Variants in PCDH15 observed in about 807,000 individuals in gnomAD.
PCDH15 encodes protocadherin related 15, also known as protocadherin-15.
A neutral mutation model predicts 178.5 loss-of-function variants in PCDH15; 129 were observed. The ratio of observed to expected loss-of-function variants is 0.72; its 90% CI spans 0.63 to 0.84. The LOEUF is 0.84. Ranked by LOEUF, PCDH15 falls within the 40% of genes least tolerant of loss-of-function variation. The pLI is 0.00. For missense variants in PCDH15, 2,230 were observed against 2,099.9 expected, an observed-to-expected ratio of 1.06 and a Z score of -1.21; for synonymous variants, 800 against 732.0, an observed-to-expected ratio of 1.09 and a Z score of -1.50.
chr10:55,442,372 T>A (rs1839207574), intron 2 of PCDH15, among the ~76,000 whole-genome samples: 1 of 149,400 alleles, frequency 6.7e-6, no homozygotes. Context: ...GTGTTCCTTT[T>A]TTTTTTAATT....
intron 21 of PCDH15, among the ~76,000 whole-genome samples, chr10:53,976,895 C>A (rs2610895): frequency 2.0e-5 from 3 of 150,816 alleles, no homozygotes; most frequent in South Asian, 2.1e-4. Context: ...AACCATCGGG[C>A]CTCCCAGAGA....
chr10:55,484,269 A>G (rs1255198785), intron 2 of PCDH15, among the ~76,000 whole-genome samples: 4 of 151,754 alleles, frequency 2.6e-5, no homozygotes, highest in African/African-American at 4.8e-5. Context: ...GCAAACCTGC[A>G]CTTGTACCCC....
At chr10:54,973,220 T>C (rs1352982174) in intron 2 of PCDH15, among the ~76,000 whole-genome samples, 2 of 152,182 alleles carry the variant, frequency 1.3e-5, no homozygotes, top group East Asian at 3.8e-4. Context: ...AACACACATA[T>C]TTAGAGAAGA....
At chr10:53,947,858 T>C (rs1336154577) in intron 23 of PCDH15, among the ~76,000 whole-genome samples, 4 of 152,214 alleles carry the variant, frequency 2.6e-5, no homozygotes, top group Admixed American at 2.6e-4. Flanking sequence ...AACTGAAGTA[T>C]AAACAATTTA....
intron 1 of PCDH15, among the ~76,000 whole-genome samples, chr10:55,184,164 G>A (rs985387196): frequency 6.6e-6 from 1 of 151,892 alleles, no homozygotes; most frequent in Non-Finnish European, 1.5e-5. Context: ...AGCTAGATGT[G>A]GTTTTATGCA....
At chr10:54,086,233 T>A (rs770925459) in intron 16 of PCDH15, among the ~76,000 whole-genome samples, 1 of 152,070 alleles carries the variant, frequency 6.6e-6, no homozygotes, top group African/African-American at 2.4e-5. Flanking sequence ...TGTGCAGAGA[T>A]CACATGGTGA....
At chr10:54,878,792 C>A (rs1039978637) in intron 3 of PCDH15, among the ~76,000 whole-genome samples, 2 of 152,016 alleles carry the variant, frequency 1.3e-5, no homozygotes, top group African/African-American at 4.8e-5. Context: ...AGCCCAGCAT[C>A]CATTAGATAT....
chr10:54,333,343 C>A (rs750498804), intron 6 of PCDH15, among the ~76,000 whole-genome samples: 3 of 151,874 alleles, frequency 2.0e-5, no homozygotes, highest in Non-Finnish European at 4.4e-5. Context: ...TATTGAAAGC[C>A]ACTGTATTAA....
intron 1 of PCDH15, among the ~76,000 whole-genome samples, chr10:55,219,149 T>C (rs916473572): frequency 6.6e-6 from 1 of 151,982 alleles, no homozygotes; most frequent in African/African-American, 2.4e-5. Context: ...CTAATCTCAG[T>C]ATGTTTCACC....
chr10:55,008,183 T>G (rs972429450), intron 2 of PCDH15, among the ~76,000 whole-genome samples: 10 of 152,036 alleles, frequency 6.6e-5, no homozygotes, highest in Admixed American at 3.9e-4. Flanking sequence ...ATAGTCTACT[T>G]GAGAACTGGA....
chr10:54,240,922 C>T (rs11004159), intron 8 of PCDH15, among the ~76,000 whole-genome samples: 18 of 152,032 alleles, frequency 1.2e-4, no homozygotes, highest in Admixed American at 2.6e-4. Flanking sequence ...TGAGCCACCG[C>T]GCCTGGCCAA....
At chr10:54,067,293 C>G (rs1384863337) in intron 17 of PCDH15, among the ~76,000 whole-genome samples, 2 of 152,026 alleles carry the variant, frequency 1.3e-5, no homozygotes, top group Non-Finnish European at 2.9e-5. Context: ...AAAATAAAAC[C>G]AGTACATTAT....
intron 2 of PCDH15, among the ~76,000 whole-genome samples, chr10:55,515,023 T>G (rs1840979190): frequency 7.6e-6 from 1 of 131,944 alleles, no homozygotes; most frequent in African/African-American, 2.9e-5. Flanking sequence ...GGAGTCCCAC[T>G]CTGTCACCCG....
At chr10:55,250,391 C>T (rs906766020) in intron 1 of PCDH15, among the ~76,000 whole-genome samples, 2 of 151,736 alleles carry the variant, frequency 1.3e-5, no homozygotes, top group Admixed American at 1.3e-4. Context: ...CAGCTATCCT[C>T]CCTTCTCAAC....
At chr10:54,781,672 T>C (rs1399391660) in intron 1 of PCDH15, among the ~76,000 whole-genome samples, 1 of 152,192 alleles carries the variant, frequency 6.6e-6, no homozygotes, top group Non-Finnish European at 1.5e-5. Context: ...TATTATTTTC[T>C]AAATATCTGA....
intron 2 of PCDH15, among the ~76,000 whole-genome samples, chr10:54,571,302 GTGC>G (rs1329950710): frequency 7.1e-6 from 1 of 141,368 alleles, no homozygotes; most frequent in Non-Finnish European, 1.5e-5. Context: ...TTGCTCTGAG[GTGC>G]TGAAGTACGA....
chr10:54,090,148 T>C (rs577634686), intron 15 of PCDH15, 85 bp from the exon 16 acceptor site: 6 of 1,011,712 alleles, frequency 5.9e-6, no homozygotes, highest in South Asian at 5.2e-5. Context: ...TTGAAACTAA[T>C]AGCACAGAAT....
intron 1 of PCDH15, among the ~76,000 whole-genome samples, chr10:54,757,197 A>G (rs72796510): frequency 0.11 from 16,358 of 151,782 alleles, 1,166 homozygotes; most frequent in Middle Eastern, 0.18. Flanking sequence ...TATTAGAAAC[A>G]TACATGTGTA....
chr10:54,737,208 G>T (rs1484051959), intron 1 of PCDH15, among the ~76,000 whole-genome samples: 1 of 152,038 alleles, frequency 6.6e-6, no homozygotes, highest in Admixed American at 6.6e-5. Flanking sequence ...TCCAGGTGCT[G>T]GCGCTGACCC....
Sources: gnomAD v4.1 joint callset for allele counts (sites outside exome capture counted in the v4.1 genomes callset) on GRCh38, gnomAD v4.1.1 for gene constraint, MANE v1.5 for transcripts, NCBI Gene and HGNC (gene_info 2026-07-23, HGNC 2026-07-21) for gene names.